The following OPCML variants were observed in gnomAD, a reference collection of about 807,000 sequenced individuals.
OPCML encodes opioid-binding protein/cell adhesion molecule.
Under a neutral mutation model 37.8 loss-of-function variants are expected in OPCML, and 13 were observed. The observed-to-expected ratio is 0.34, with a 90% CI of 0.22 to 0.55. The LOEUF (loss-of-function observed/expected upper bound fraction) is 0.55, where lower values mean the gene tolerates loss of function less well. OPCML is among the 20% of genes least tolerant of loss of function. The pLI is 0.91. For synonymous variants in OPCML, 176 were observed against 168.8 expected, an observed-to-expected ratio of 1.04 and a Z score of -0.33; for missense variants, 341 against 435.6, an observed-to-expected ratio of 0.78 and a Z score of 1.93.
intron 3 of OPCML, among the ~76,000 whole-genome samples, chr11:132,645,298 G>A (rs1449711523): frequency 6.6e-6 from 1 of 152,224 alleles, no homozygotes; most frequent in Non-Finnish European, 1.5e-5. Flanking sequence ...CATGCTGGAC[G>A]TGGCTTTTCA....
chr11:133,101,579 G>A (rs1010880702), intron 1 of OPCML, among the ~76,000 whole-genome samples: 6 of 152,172 alleles, frequency 3.9e-5, no homozygotes, highest in African/African-American at 1.4e-4. Context: ...TGTTGATGAG[G>A]ATGTGATATG....
intron 3 of OPCML, among the ~76,000 whole-genome samples, chr11:132,626,812 TTCTCTCTCTCTCTCTC>T (rs375135656): frequency 2.0e-5 from 3 of 147,218 alleles, no homozygotes; most frequent in South Asian, 2.2e-4. Context: ...AAAGGGAAGT[TTCTCTCTCTCTCTCTC>T]TCTCTCTCTC....
chr11:132,907,194 A>G (rs945666572), intron 2 of OPCML, among the ~76,000 whole-genome samples: 1 of 152,184 alleles, frequency 6.6e-6, no homozygotes, highest in African/African-American at 2.4e-5. Context: ...TTGCAATATG[A>G]ACCCTCCACA....
intron 1 of OPCML, among the ~76,000 whole-genome samples, chr11:133,116,414 A>G (rs948185994): frequency 8.5e-5 from 13 of 152,218 alleles, no homozygotes; most frequent in African/African-American, 1.9e-4. Context: ...TCAGGAGCCA[A>G]TCCAGAATCA....
In OPCML at chr11:132,420,303, G is replaced by A. The variant is rs2095953669; in HGVS notation, c.917-10C>T. The A allele has an allele frequency of 1.9e-6, 3 of 1,613,326 alleles. No homozygotes were observed. The highest frequency in any genetic ancestry group is 1.7e-5 in the Admixed American group (1 of 59,936). On this transcript the variant is annotated splice_polypyrimidine_tract_variant and intron_variant, in intron 7 of 7. Transcript: ENST00000524381. ...ATGACTGCTCCAGGCCCTGTGTAGG[G>A]GAGAGAGAGACAGACCCATTAGCAT...
chr11:132,723,286 T>G (rs1049737418), intron 2 of OPCML, among the ~76,000 whole-genome samples: 1 of 152,256 alleles, frequency 6.6e-6, no homozygotes, highest in African/African-American at 2.4e-5. Flanking sequence ...AGCATTCATA[T>G]GGTGTGTTCT....
chr11:132,675,326 C>A lies in OPCML; in HGVS notation c.147-18007G>T, dbSNP rs563328281. The stretch of plus-strand genomic sequence containing the variant: ...ATTTACAAAAATCTTGGAGACACAA[C>A]CCCTCACACACAATGACACAATGTA... On this transcript the variant is annotated intron_variant, in intron 2 of 7. Coordinates refer to ENST00000524381, the MANE Select transcript of OPCML (RefSeq NM_001012393.5). Among the ~76,000 whole-genome samples, 3 of 151,968 alleles carry A rather than the reference C, an allele frequency of 2.0e-5. No individual in the cohort carries two copies. In the East Asian group the frequency reaches 5.8e-4, roughly 29 times the overall value.
At chr11:132,856,533 A>G (rs930630765) in intron 2 of OPCML, among the ~76,000 whole-genome samples, 3 of 152,216 alleles carry the variant, frequency 2.0e-5, no homozygotes, top group African/African-American at 4.8e-5. Flanking sequence ...CAGTCTCCCA[A>G]TTGATAGAAA....
In OPCML at chr11:133,184,118, G is replaced by A. The variant is rs77327519; in HGVS notation, c.62-241108C>T. 8.0e-3 allele frequency among the ~76,000 whole-genome samples: 1,224 copies of A among 152,260 alleles called. 14 individuals are homozygous for A. The highest frequency in any genetic ancestry group is 0.028 in the African/African-American group (1,178 of 41,534). On this transcript the variant is annotated intron_variant, in intron 1 of 7. Transcript: ENST00000524381. ...CTGCAGCAAGAGGGTTCAAAAGGCA[G>A]GTGCTTCAGGTTGGAGTGGCAAGTG...
intron 2 of OPCML, among the ~76,000 whole-genome samples, chr11:132,938,576 C>T (rs990060672): frequency 6.6e-6 from 1 of 152,294 alleles, no homozygotes; most frequent in Admixed American, 6.5e-5. Flanking sequence ...AACCCATATA[C>T]TTCCTTTCCT....
intron 1 of OPCML, among the ~76,000 whole-genome samples, chr11:133,437,682 C>A (rs1343457937): frequency 6.9e-6 from 1 of 145,278 alleles, no homozygotes; most frequent in Non-Finnish European, 1.5e-5. Context: ...CCGCTCACCT[C>A]TCCCCTCTCA....
At chr11:132,550,471 G>A (rs1320199521) in intron 3 of OPCML, among the ~76,000 whole-genome samples, 1 of 152,140 alleles carries the variant, frequency 6.6e-6, no homozygotes, top group Non-Finnish European at 1.5e-5. Context: ...CTCGGGCTTT[G>A]CCTTCCCCCA....
At chr11:133,461,155 G>A (rs1946850242) in intron 1 of OPCML, among the ~76,000 whole-genome samples, 1 of 151,740 alleles carries the variant, frequency 6.6e-6, no homozygotes, top group South Asian at 2.1e-4. Flanking sequence ...TCTTTTTTTA[G>A]GCTCAATAAC....
At chr11:133,439,439 C>CT in intron 1 of OPCML, 3 of 985,024 alleles carry the variant, frequency 3.0e-6, no homozygotes, top group Non-Finnish European at 3.6e-6. Context: ...CAACCTAACT[C>CT]TTTTTTGTTT....
chr11:133,271,512 A>G (rs1267489256), intron 1 of OPCML, among the ~76,000 whole-genome samples: 2 of 152,232 alleles, frequency 1.3e-5, no homozygotes, highest in African/African-American at 4.8e-5. Context: ...TAATAATGAT[A>G]CTAATTAGCT....
chr11:132,611,659 A>C (rs1211959295), intron 3 of OPCML, among the ~76,000 whole-genome samples: 1 of 152,174 alleles, frequency 6.6e-6, no homozygotes, highest in East Asian at 1.9e-4. Flanking sequence ...CAAATTATTT[A>C]TATTATAGTG....
intron 1 of OPCML, among the ~76,000 whole-genome samples, chr11:133,077,023 A>G (rs1948630909): frequency 6.6e-6 from 1 of 152,000 alleles, no homozygotes; most frequent in Non-Finnish European, 1.5e-5. Flanking sequence ...CATCTAGACT[A>G]CCTACTGCAG....
intron 1 of OPCML, among the ~76,000 whole-genome samples, chr11:133,478,473 G>A (rs889378950): frequency 3.5e-5 from 4 of 115,884 alleles, no homozygotes; most frequent in African/African-American, 1.3e-4. Flanking sequence ...TAGTTTGTGG[G>A]GTCATGGGGA....
intron 1 of OPCML, among the ~76,000 whole-genome samples, chr11:133,293,985 T>C (rs1048032454): frequency 6.6e-6 from 1 of 151,746 alleles, no homozygotes; most frequent in African/African-American, 2.4e-5. Flanking sequence ...AGCAGGTCTT[T>C]CACTTTCAAA....
Sources: gnomAD v4.1 joint callset for allele counts (sites outside exome capture counted in the v4.1 genomes callset) on GRCh38, gnomAD v4.1.1 for gene constraint, MANE v1.5 for transcripts, NCBI Gene and HGNC (gene_info 2026-07-23, HGNC 2026-07-21) for gene names.